Variants in DRD3 observed in about 807,000 individuals in gnomAD.
DRD3 encodes the protein dopamine receptor D3, also known as D(3) dopamine receptor.
DRD3 carries 19 observed loss-of-function variants against 36.3 expected under a neutral mutation model. That is an observed-to-expected ratio of 0.52 (90% CI 0.36 to 0.77). The LOEUF (loss-of-function observed/expected upper bound fraction) is 0.77. DRD3 is among the 30% of genes least tolerant of loss of function. The probability of loss-of-function intolerance (pLI) is 0.00; values close to 1 mark genes in which losing one functional copy is unlikely to be tolerated. For missense variants in DRD3, 465 were observed against 505.3 expected, an observed-to-expected ratio of 0.92 and a Z score of 0.77; for synonymous variants, 195 against 203.7, an observed-to-expected ratio of 0.96 and a Z score of 0.36.
Position 114,131,216 on chromosome 3 carries a change from T to C in DRD3, c.908A>G (p.Asn303Ser). 6.2e-7 allele frequency: 1 copy of C among 1,614,204 alleles called. No individual in the cohort carries two copies. Among genetic ancestry groups the C allele is most frequent in the South Asian group, 1.1e-5 (1 of 91,086 alleles). ...CTTCAAAGATGTCGATAATCTGCCA[T>C]TGCTGAGTTTTCGAACTTCTAAGCT... ...KLSLEVRKLS[N>S]GRLSTSLKLG... The change falls in exon 6 of 7, where the codon AAT becomes AGT. Residue 303 changes from asparagine to serine, a missense_variant. By Grantham distance (46) the Asn-to-Ser change is conservative. Coordinates refer to ENST00000383673, the MANE Select transcript of DRD3 (RefSeq NM_000796.6).
intron 3 of DRD3, among the ~76,000 whole-genome samples, chr3:114,156,511 C>T (rs1221725808): frequency 2.0e-5 from 3 of 150,524 alleles, no homozygotes; most frequent in Non-Finnish European, 4.4e-5. Flanking sequence ...TTTCTTGTTT[C>T]CTCCTATTTA....
At chr3:114,176,668 A>G (rs994148420) in intron 1 of DRD3, among the ~76,000 whole-genome samples, 1 of 152,072 alleles carries the variant, frequency 6.6e-6, no homozygotes. Context: ...TCAACCCAGA[A>G]CAAAACGCTT....
At chr3:114,196,749 T>C (rs2078037468) in intron 1 of DRD3, among the ~76,000 whole-genome samples, 1 of 152,334 alleles carries the variant, frequency 6.6e-6, no homozygotes, top group Admixed American at 6.5e-5. Flanking sequence ...CATCTTTTCT[T>C]GTGCTTGTTT....
chr3:114,162,741 A>G (rs149368404), intron 2 of DRD3, among the ~76,000 whole-genome samples: 132 of 152,332 alleles, frequency 8.7e-4, no homozygotes, highest in African/African-American at 2.5e-3. Context: ...AGGTTGTTAC[A>G]CACCCTGCTA....
intron 3 of DRD3, among the ~76,000 whole-genome samples, chr3:114,150,117 C>G (rs2077603884): frequency 6.6e-6 from 1 of 152,230 alleles, no homozygotes; most frequent in Non-Finnish European, 1.5e-5. Flanking sequence ...TCAGCCTTCT[C>G]CAACATGACC....
At chr3:114,156,747 CTTTCTTTCT>C (rs2077674430) in intron 3 of DRD3, among the ~76,000 whole-genome samples, 1 of 82,318 alleles carries the variant, frequency 1.2e-5, no homozygotes, top group Admixed American at 1.4e-4. Flanking sequence ...CTTTCTTTTT[CTTTCTTTCT>C]TTCTTTCTTT....
In DRD3 at chr3:114,148,554, C is replaced by T. The variant is rs2077589206; in HGVS notation, c.384-997G>A. On this transcript the variant is annotated intron_variant, in intron 3 of 6. Transcript: ENST00000383673. ...CGTAGGACTTAGCTGGACAAATGTT[C>T]CACAGTCAACTCAAACTCAAGATGT... Among the ~76,000 whole-genome samples the T allele has an allele frequency of 3.9e-5, 6 of 152,044 alleles. No individual in the cohort carries two copies. The South Asian group carries it at 1.2e-3, about 32-fold the overall frequency.
intron 2 of DRD3, among the ~76,000 whole-genome samples, chr3:114,164,861 C>T (rs1156305788): frequency 6.6e-6 from 1 of 152,208 alleles, no homozygotes; most frequent in Non-Finnish European, 1.5e-5. Flanking sequence ...AAGTGATTCT[C>T]CTGCCTCAGC....
upstream of DRD3, among the ~76,000 whole-genome samples, chr3:114,183,727 T>G (rs916440063): frequency 3.9e-5 from 6 of 152,126 alleles, no homozygotes; most frequent in African/African-American, 1.4e-4. Flanking sequence ...TTGTCTGATA[T>G]TTGTCTAGCC....
At chr3:114,140,492 A>T (rs542041516) in intron 4 of DRD3, among the ~76,000 whole-genome samples, 1 of 152,338 alleles carries the variant, frequency 6.6e-6, no homozygotes, top group Admixed American at 6.5e-5. Context: ...TGAAAAAGAA[A>T]AGAAAAGCAA....
Position 114,128,899 on chromosome 3 carries a change from G to A in DRD3, c.1020C>T (p.Val340=), listed in dbSNP as rs200259019. ...MVAIVLGAFI[V]CWLPFFLTHV... is the part of the protein sequence containing the mutation. ...GGGTCAAGAAGAAGGGCAGCCAGCA[G>A]ACAATGAAGGCCCCTAAGTTGCCAA... The change falls in exon 7 of 7, where the codon GTC becomes GTT. Residue 340 remains valine, a synonymous_variant. Coordinates refer to ENST00000383673, the MANE Select transcript of DRD3 (RefSeq NM_000796.6). 1.9e-6 allele frequency: 3 copies of A among 1,601,182 alleles called. No homozygotes were observed. The highest frequency in any genetic ancestry group is 2.6e-6 in the Non-Finnish European group (3 of 1,173,822).
At chr3:114,193,562 A>G (rs529824988) in intron 1 of DRD3, among the ~76,000 whole-genome samples, 1 of 152,342 alleles carries the variant, frequency 6.6e-6, no homozygotes, top group South Asian at 2.1e-4. Context: ...TATTTCACCT[A>G]CTATGCAGAT....
chr3:114,130,774 T>G (rs1158758922), intron 6 of DRD3, among the ~76,000 whole-genome samples: 1 of 152,236 alleles, frequency 6.6e-6, no homozygotes, highest in African/African-American at 2.4e-5. Context: ...TTTGCATTCT[T>G]ATTTTTATCA....
chr3:114,144,299 T>A (rs1476263420), intron 4 of DRD3, among the ~76,000 whole-genome samples: 1 of 152,244 alleles, frequency 6.6e-6, no homozygotes, highest in African/African-American at 2.4e-5. Flanking sequence ...AAAGTTCTTT[T>A]TTTGTGTTGC....
chr3:114,132,252 T>C (rs1033033423), intron 5 of DRD3, among the ~76,000 whole-genome samples: 4 of 152,216 alleles, frequency 2.6e-5, no homozygotes, highest in African/African-American at 9.6e-5. Context: ...TCATATCTTT[T>C]GCAGGGACAT....
At chr3:114,160,325 C>T (rs970731398) in intron 2 of DRD3, among the ~76,000 whole-genome samples, 1 of 152,146 alleles carries the variant, frequency 6.6e-6, no homozygotes, top group Non-Finnish European at 1.5e-5. Flanking sequence ...CGGCTCACCA[C>T]AACCTCCACC....
intron 4 of DRD3, among the ~76,000 whole-genome samples, chr3:114,146,939 A>G (rs576610628): frequency 6.6e-6 from 1 of 152,234 alleles, no homozygotes; most frequent in African/African-American, 2.4e-5. Context: ...GGAATTTGGG[A>G]ATCTATACTG....
At chr3:114,143,816 TAA>T (rs2077547957) in intron 4 of DRD3, among the ~76,000 whole-genome samples, 1 of 152,250 alleles carries the variant, frequency 6.6e-6, no homozygotes, top group South Asian at 2.1e-4. Context: ...TTCTTAACTT[TAA>T]GTTTCTCCTC....
intron 6 of DRD3, 79 bp downstream of exon 6, chr3:114,131,039 G>A (rs956824892): frequency 9.4e-6 from 14 of 1,491,748 alleles, no homozygotes; most frequent in South Asian, 1.3e-5. Context: ...TCAAATTTCC[G>A]ATAGCATCTT....
Sources: allele counts gnomAD v4.1 joint callset (sites outside exome capture counted in the v4.1 genomes callset), GRCh38; gene constraint gnomAD v4.1.1; transcripts MANE v1.5; gene names NCBI Gene and HGNC (gene_info 2026-07-23, HGNC 2026-07-21).